The following AP3B1 variants were observed in gnomAD, a reference collection of about 807,000 sequenced individuals.
AP3B1 encodes the protein adaptor related protein complex 3 subunit beta 1.
AP3B1 carries 61 observed loss-of-function variants against 132.5 expected under a neutral mutation model. The ratio of observed to expected loss-of-function variants is 0.46; its 90% CI spans 0.37 to 0.57. The LOEUF (loss-of-function observed/expected upper bound fraction) is 0.57, where lower values mean the gene tolerates loss of function less well. Ranked by LOEUF, AP3B1 falls within the 20% of genes least tolerant of loss-of-function variation. The probability of loss-of-function intolerance (pLI) is 0.00; values close to 1 mark genes in which losing one functional copy is unlikely to be tolerated. For synonymous variants in AP3B1, 388 were observed against 438.3 expected, an observed-to-expected ratio of 0.89 and a Z score of 1.43; for missense variants, 1,120 against 1,289.4, an observed-to-expected ratio of 0.87 and a Z score of 2.01.
At chr5:78,188,782 G>A (rs1479616837) in intron 7 of AP3B1, among the ~76,000 whole-genome samples, 1 of 152,086 alleles carries the variant, frequency 6.6e-6, no homozygotes, top group Non-Finnish European at 1.5e-5. Context: ...GCACGCAAAT[G>A]TTCACTGCAG....
intron 15 of AP3B1, among the ~76,000 whole-genome samples, chr5:78,136,049 T>C (rs1752896819): frequency 6.6e-6 from 1 of 152,114 alleles, no homozygotes; most frequent in African/African-American, 2.4e-5. Flanking sequence ...GATTTCAGCA[T>C]CCTACTTAGA....
At position 78,213,176 on chromosome 5, in the gene AP3B1, G is replaced by A. The variant is rs563305980; in HGVS notation, c.786+2879C>T. On this transcript the variant is annotated intron_variant, in intron 7 of 26. Transcript: ENST00000255194. Reference sequence around the variant, plus strand: ...TTACAGGCGTGAGCCACCGCGCCCGGCCTCGTCTGCCAACTTCTAAAGCTA... The same window carrying A: ...TTACAGGCGTGAGCCACCGCGCCCGACCTCGTCTGCCAACTTCTAAAGCTA... Among the ~76,000 whole-genome samples, 5 of 152,274 alleles carry A rather than the reference G, an allele frequency of 3.3e-5. No individual in the cohort carries two copies. In the South Asian group the frequency reaches 1.0e-3, roughly 32 times the overall value.
intron 21 of AP3B1, among the ~76,000 whole-genome samples, chr5:78,097,302 G>A (rs1313345313): frequency 3.1e-5 from 4 of 129,370 alleles, no homozygotes; most frequent in African/African-American, 8.8e-5. Flanking sequence ...TCAGCCCCCC[G>A]CCCGGCCAGC....
intron 21 of AP3B1, among the ~76,000 whole-genome samples, chr5:78,096,773 G>A (rs1448978215): frequency 2.0e-5 from 3 of 151,464 alleles, no homozygotes; most frequent in African/African-American, 4.9e-5. Flanking sequence ...CCCTCCGCCC[G>A]GCAGCCGCCC....
intron 14 of AP3B1, among the ~76,000 whole-genome samples, chr5:78,143,378 A>G (rs1580402603): frequency 1.3e-5 from 2 of 152,322 alleles, no homozygotes; most frequent in South Asian, 4.1e-4. Context: ...AAAAATCTCA[A>G]GATGGTGGTG....
rs529253363 is a variant in AP3B1, at chr5:78,250,367, A to T, written c.205-9431T>A. Among the ~76,000 whole-genome samples, 7 of 152,320 alleles carry T rather than the reference A, an allele frequency of 4.6e-5. No homozygotes were observed. In the East Asian group the frequency reaches 1.3e-3, roughly 29 times the overall value. On this transcript the variant is annotated intron_variant, in intron 2 of 26. Transcript: ENST00000255194. ...ATGAAGACGTACCAATTAAAGACAG[A>T]GGGAAGAGTGCTCTCAGGCTCCTTA...
intron 22 of AP3B1, among the ~76,000 whole-genome samples, chr5:78,068,001 T>G (rs979262862): frequency 2.7e-5 from 4 of 150,166 alleles, no homozygotes; most frequent in Admixed American, 2.7e-4. Flanking sequence ...TGAAAAAAAT[T>G]AATAAAAGAG....
At chr5:78,097,208 G>C (rs1192659830) in intron 21 of AP3B1, among the ~76,000 whole-genome samples, 1 of 123,100 alleles carries the variant, frequency 8.1e-6, no homozygotes, top group South Asian at 2.5e-4. Flanking sequence ...CCCTCTGCCC[G>C]GCCAGCCACC....
At chr5:78,096,709 G>A (rs953407028) in intron 21 of AP3B1, among the ~76,000 whole-genome samples, 1 of 151,154 alleles carries the variant, frequency 6.6e-6, no homozygotes. Flanking sequence ...CGCCCCATCT[G>A]AGAAGGGAGG....
intron 17 of AP3B1, among the ~76,000 whole-genome samples, chr5:78,127,172 G>A (rs1241652447): frequency 6.6e-6 from 1 of 152,084 alleles, no homozygotes; most frequent in Non-Finnish European, 1.5e-5. Context: ...ACTGTATACA[G>A]AAAAATTGAG....
chr5:78,252,884 T>A (rs542856445), intron 2 of AP3B1, among the ~76,000 whole-genome samples: 1 of 152,222 alleles, frequency 6.6e-6, no homozygotes, highest in African/African-American at 2.4e-5. Context: ...TGAGCAAACA[T>A]GGCAATAGCC....
chr5:78,144,833 T>C (rs1167519531), intron 14 of AP3B1, among the ~76,000 whole-genome samples: 2 of 149,382 alleles, frequency 1.3e-5, no homozygotes, highest in East Asian at 4.0e-4. Flanking sequence ...GGTTGTTTTG[T>C]TGTTGTTGTT....
At chr5:78,096,761 G>T (rs1275662523) in intron 21 of AP3B1, among the ~76,000 whole-genome samples, 9 of 151,660 alleles carry the variant, frequency 5.9e-5, no homozygotes, top group African/African-American at 2.2e-4. Context: ...GAAGTGAGGA[G>T]CCCCTCCGCC....
intron 2 of AP3B1, among the ~76,000 whole-genome samples, chr5:78,259,769 A>T (rs891431207): frequency 1.3e-5 from 2 of 152,092 alleles, no homozygotes; most frequent in African/African-American, 4.8e-5. Flanking sequence ...GGAGTTGGAG[A>T]CCAGCCTGGC....
chr5:78,269,983 C>T (rs10037175), intron 1 of AP3B1, among the ~76,000 whole-genome samples: 2 of 151,840 alleles, frequency 1.3e-5, no homozygotes, highest in East Asian at 1.9e-4. Context: ...GTGTGATCTC[C>T]GCTCACGCAA....
chr5:78,059,358 T>G (rs1487374317), intron 22 of AP3B1, among the ~76,000 whole-genome samples: 3 of 152,202 alleles, frequency 2.0e-5, no homozygotes, highest in Non-Finnish European at 4.4e-5. Flanking sequence ...AATAATAAAT[T>G]TGCACTGTTT....
intron 7 of AP3B1, among the ~76,000 whole-genome samples, chr5:78,183,500 T>C (rs1372876018): frequency 6.6e-6 from 1 of 152,146 alleles, no homozygotes; most frequent in African/African-American, 2.4e-5. Flanking sequence ...TTTTTAAAAA[T>C]CATTAAAAAA....
intron 3 of AP3B1, among the ~76,000 whole-genome samples, chr5:78,235,515 T>C (rs1332442994): frequency 6.6e-6 from 1 of 152,220 alleles, no homozygotes; most frequent in Non-Finnish European, 1.5e-5. Context: ...ACACTAAATT[T>C]GTTCTACTTC....
intron 7 of AP3B1, among the ~76,000 whole-genome samples, chr5:78,193,748 A>ATATC (rs1744950001): frequency 1.8e-5 from 1 of 57,052 alleles, no homozygotes; most frequent in Admixed American, 1.7e-4. Flanking sequence ...ATTTTTTTAT[A>ATATC]TATATATATA....
Sources: gnomAD v4.1 joint callset for allele counts (sites outside exome capture counted in the v4.1 genomes callset) on GRCh38, gnomAD v4.1.1 for gene constraint, MANE v1.5 for transcripts, NCBI Gene and HGNC (gene_info 2026-07-23, HGNC 2026-07-21) for gene names.